LMOD1: variants seen among roughly 807,000 people sequenced by gnomAD.
LMOD1 encodes leiomodin-1.
Under a neutral mutation model 36.5 loss-of-function variants are expected in LMOD1, and 8 were observed. The observed-to-expected ratio is 0.22, with a 90% CI of 0.13 to 0.40. The LOEUF is 0.40. Ranked by LOEUF, LMOD1 falls within the 10% of genes least tolerant of loss-of-function variation. The pLI, the probability that LMOD1 is intolerant of heterozygous loss-of-function variation, is 1.00. For synonymous variants in LMOD1, 284 were observed against 288.7 expected (o/e 0.98, Z 0.17); for missense variants, 630 against 751.1 (o/e 0.84, Z 1.88).
intron 1 of LMOD1, among the ~76,000 whole-genome samples, chr1:201,909,845 G>A (rs772766348): frequency 3.2e-4 from 49 of 152,152 alleles, no homozygotes; most frequent in Non-Finnish European, 4.9e-4. Context: ...GCTATTACAC[G>A]ATAAAGCAGG....
At position 201,946,091 on chromosome 1, in the gene LMOD1, T is replaced by A; in HGVS notation, c.250A>T (p.Met84Leu). 1.2e-6 allele frequency: 2 copies of A among 1,613,760 alleles called. No homozygotes were observed. The highest frequency in any genetic ancestry group is 1.1e-5 in the South Asian group (1 of 91,078). Residue 84 changes from methionine (M) to leucine (L), a missense_variant, in exon 1 of 3, where the codon ATG becomes TTG. Met to Leu is a conservative substitution (Grantham distance 15, BLOSUM62 2). Coordinates refer to ENST00000367288, the MANE Select transcript of LMOD1 (RefSeq NM_012134.3). ...KETKKLMQREMSMDESKQVET... is the reference protein window; with the variant it reads ...KETKKLMQRELSMDESKQVET... ...CTGTGCTCACTCACATCCATGGACA[T>A]CTCCCTCTGCATAAGTTTCTTGGTC...
Position 201,899,639 on chromosome 1 carries a change from C to T in LMOD1, c.1374G>A (p.Gly458=). ...GCAGATTGGTGACAGTCATTCGGGGCCCGGCCAGCTCAAAATGGTAGCCCA... is the reference window on the plus strand; with the variant it reads ...GCAGATTGGTGACAGTCATTCGGGGTCCGGCCAGCTCAAAATGGTAGCCCA... ...LKLGYHFELA[G]PRMTVTNLLS... is the part of the protein sequence containing the mutation. The change falls in exon 2 of 3, where the codon GGG becomes GGA. Residue 458 remains glycine, a synonymous_variant. Transcript: ENST00000367288. This position sits in a 1 kb window ranked among gnomAD's most constrained non-coding sequence, Gnocchi z 6.3. 1 of 1,613,238 alleles carries T rather than the reference C, an allele frequency of 6.2e-7. No homozygotes were observed. The highest frequency in any genetic ancestry group is 8.5e-7 in the Non-Finnish European group (1 of 1,179,598).
At chr1:201,906,476 A>G (rs1681414651) in intron 1 of LMOD1, among the ~76,000 whole-genome samples, 1 of 152,022 alleles carries the variant, frequency 6.6e-6, no homozygotes, top group South Asian at 2.1e-4. Context: ...GATACCAGGC[A>G]CTGCAGCTGC....
chr1:201,944,470 G>A (rs975001673), intron 1 of LMOD1, among the ~76,000 whole-genome samples: 5 of 152,118 alleles, frequency 3.3e-5, no homozygotes, highest in African/African-American at 4.8e-5. Flanking sequence ...CAGAGTCAAC[G>A]ATTTCCAAGG....
chr1:201,918,338 C>T (rs1010172880), intron 1 of LMOD1, among the ~76,000 whole-genome samples: 8 of 152,240 alleles, frequency 5.3e-5, no homozygotes, highest in African/African-American at 1.4e-4. Context: ...CCCCTGCCTC[C>T]TGTCTTCCTT....
chr1:201,898,506 G>A, intron 2 of LMOD1, 108 bp from the exon 3 acceptor site: 1 of 953,920 alleles, frequency 1.0e-6, no homozygotes, highest in Non-Finnish European at 1.5e-6. Context: ...TCTGTGGAAT[G>A]TGAATGAGGT....
At chr1:201,923,279 T>A (rs1681737013) in intron 1 of LMOD1, among the ~76,000 whole-genome samples, 1 of 152,016 alleles carries the variant, frequency 6.6e-6, no homozygotes, top group South Asian at 2.1e-4. Context: ...GCAACACCCA[T>A]CCTGGAATTT....
At chr1:201,922,056 C>T (rs1192427037) in intron 1 of LMOD1, among the ~76,000 whole-genome samples, 1 of 152,222 alleles carries the variant, frequency 6.6e-6, no homozygotes. Context: ...TACTTCACAC[C>T]TATTGGGTGT....
At chr1:201,930,812 C>T (rs1681905135) in intron 1 of LMOD1, among the ~76,000 whole-genome samples, 1 of 152,130 alleles carries the variant, frequency 6.6e-6, no homozygotes, top group African/African-American at 2.4e-5. Context: ...TAAGAAGGAA[C>T]AGCTAGAGAG....
chr1:201,920,390 T>C (rs1448120243), intron 1 of LMOD1, among the ~76,000 whole-genome samples: 1 of 152,072 alleles, frequency 6.6e-6, no homozygotes, highest in African/African-American at 2.4e-5. Context: ...GCCTTGTGAA[T>C]TGTTCTGGAA....
Position 201,899,660 on chromosome 1 carries a change from G to T in LMOD1, c.1353C>A (p.Gly451=). The change falls in exon 2 of 3, where the codon GGC becomes GGA. Residue 451 remains glycine (G), a synonymous_variant. Coordinates refer to ENST00000367288, the MANE Select transcript of LMOD1 (RefSeq NM_012134.3). This position sits in a 1 kb window ranked among gnomAD's most constrained non-coding sequence, Gnocchi z 6.3. The part of the protein sequence containing the change: ...LKENTTLLKL[G]YHFELAGPRM... ...GGGGCCCGGCCAGCTCAAAATGGTA[G>T]CCCAGCTTGAGCAGGGTAGTATTCT... The T allele has an allele frequency of 2.5e-6, 4 of 1,613,858 alleles. No individual in the cohort carries two copies. The highest frequency in any genetic ancestry group is 3.4e-6 in the Non-Finnish European group (4 of 1,179,832).
At chr1:201,941,846 C>G (rs781469230) in intron 1 of LMOD1, among the ~76,000 whole-genome samples, 1 of 152,218 alleles carries the variant, frequency 6.6e-6, no homozygotes, top group African/African-American at 2.4e-5. Flanking sequence ...CTGACCCTGG[C>G]TGGGTACAGG....
chr1:201,903,647 A>C (rs553280187), intron 1 of LMOD1, among the ~76,000 whole-genome samples: 8 of 152,316 alleles, frequency 5.3e-5, no homozygotes, highest in African/African-American at 1.7e-4. Flanking sequence ...GATCCCATCA[A>C]GTTGAGAGCA....
At chr1:201,920,652 C>T (rs1681688615) in intron 1 of LMOD1, among the ~76,000 whole-genome samples, 1 of 152,164 alleles carries the variant, frequency 6.6e-6, no homozygotes, top group Non-Finnish European at 1.5e-5. Flanking sequence ...ACTGGGAAGA[C>T]AGGGAGCAAA....
intron 1 of LMOD1, among the ~76,000 whole-genome samples, chr1:201,944,649 A>G (rs545005937): frequency 1.3e-5 from 2 of 152,026 alleles, no homozygotes; most frequent in African/African-American, 4.8e-5. Flanking sequence ...ATACAGGACA[A>G]TAAATTCCTG....
chr1:201,927,041 C>T (rs999865707), intron 1 of LMOD1, among the ~76,000 whole-genome samples: 5 of 152,156 alleles, frequency 3.3e-5, no homozygotes, highest in African/African-American at 4.8e-5. Flanking sequence ...TTTTTTCCCA[C>T]GTTTTGCATA....
chr1:201,933,450 G>C (rs1681960218), intron 1 of LMOD1, among the ~76,000 whole-genome samples: 1 of 150,462 alleles, frequency 6.6e-6, no homozygotes. Context: ...CAACATGGTT[G>C]CATGTCACAA....
intron 1 of LMOD1, among the ~76,000 whole-genome samples, chr1:201,933,560 CAT>C (rs1048162995): frequency 1.3e-4 from 16 of 120,856 alleles, no homozygotes; most frequent in Non-Finnish European, 1.9e-4. Context: ...ATATATAATA[CAT>C]ATATATATTA....
At chr1:201,905,947 G>T (rs1313439737) in intron 1 of LMOD1, among the ~76,000 whole-genome samples, 1 of 152,208 alleles carries the variant, frequency 6.6e-6, no homozygotes, top group Non-Finnish European at 1.5e-5. Context: ...CAAGACCGAG[G>T]TGATGGCAGT....
Sources: allele counts gnomAD v4.1 joint callset (sites outside exome capture counted in the v4.1 genomes callset), GRCh38; gene constraint gnomAD v4.1.1; non-coding constraint Gnocchi (gnomAD v3.1); transcripts MANE v1.5; gene names NCBI Gene and HGNC (gene_info 2026-07-23, HGNC 2026-07-21).